MINDY3: variants seen among roughly 807,000 people sequenced by gnomAD.
MINDY3 encodes the protein MINDY lysine 48 deubiquitinase 3.
A neutral mutation model predicts 69.2 loss-of-function variants in MINDY3; 38 were observed. The observed-to-expected ratio is 0.55, with a 90% CI of 0.42 to 0.72. MINDY3 has a LOEUF of 0.72. Among genes scored for constraint, MINDY3 ranks in the 30% least tolerant of loss-of-function variants. MINDY3 has a pLI of 0.00. For missense variants in MINDY3, 522 were observed against 519.0 expected, an observed-to-expected ratio of 1.01 and a Z score of -0.06; for synonymous variants, 192 against 180.1, an observed-to-expected ratio of 1.07 and a Z score of -0.53.
At chr10:15,779,446 C>T (rs1836346430) in intron 14 of MINDY3, among the ~76,000 whole-genome samples, 2 of 152,000 alleles carry the variant, frequency 1.3e-5, no homozygotes, top group African/African-American at 2.4e-5. Context: ...GGATCTATAC[C>T]ATCGGAAAGA....
intron 1 of MINDY3, among the ~76,000 whole-genome samples, chr10:15,851,989 A>G (rs1834333079): frequency 6.6e-6 from 1 of 152,096 alleles, no homozygotes; most frequent in Non-Finnish European, 1.5e-5. Flanking sequence ...TTCTCTCTAC[A>G]TAAAAATGCT....
intron 1 of MINDY3, among the ~76,000 whole-genome samples, chr10:15,848,659 AAAAG>A (rs1246294541): frequency 8.1e-5 from 10 of 123,738 alleles, no homozygotes; most frequent in South Asian, 2.6e-4. Flanking sequence ...AAAAAAAAAA[AAAAG>A]AAAGAAAAAT....
chr10:15,811,507 CTA>C (rs1184552621), intron 10 of MINDY3, among the ~76,000 whole-genome samples: 1 of 152,082 alleles, frequency 6.6e-6, no homozygotes, highest in African/African-American at 2.4e-5. Flanking sequence ...ATATTCACTT[CTA>C]ACACAACACA....
rs148435730 is a variant in MINDY3 at position 15,789,336 on chromosome 10, C to T, written c.956-17G>A. 8 of 1,590,896 alleles carry T rather than the reference C, an allele frequency of 5.0e-6. No homozygotes were observed. The African/African-American group carries it at 1.1e-4, about 21-fold the overall frequency. ...ATCCATTATCTAGGGGGGAAAAAAT[C>T]AGAAACAACTTGAAATAAGAATTTA... is the stretch of plus-strand genomic sequence containing the variant. On this transcript the variant is annotated splice_polypyrimidine_tract_variant and intron_variant, in intron 11 of 14. Coordinates refer to ENST00000277632, the MANE Select transcript of MINDY3 (RefSeq NM_024948.4).
At chr10:15,808,498 C>T (rs1458279879) in intron 10 of MINDY3, among the ~76,000 whole-genome samples, 7 of 152,080 alleles carry the variant, frequency 4.6e-5, no homozygotes, top group African/African-American at 9.7e-5. Context: ...AACAGTTCAC[C>T]GCAGTGTTTT....
At chr10:15,837,413 T>C (rs1483131215) in intron 5 of MINDY3, 95 bp from the exon 6 acceptor site, 4 of 1,227,876 alleles carry the variant, frequency 3.3e-6, no homozygotes, top group Admixed American at 4.6e-5. Flanking sequence ...CATTAAAACA[T>C]ATACATACAA....
chr10:15,780,272 A>G (rs144209273), intron 14 of MINDY3, among the ~76,000 whole-genome samples: 118 of 152,318 alleles, frequency 7.7e-4, no homozygotes, highest in African/African-American at 2.7e-3. Context: ...CATTCCTAAG[A>G]AAGTGCTAAA....
chr10:15,849,422 T>C (rs1834110401), intron 1 of MINDY3, among the ~76,000 whole-genome samples: 1 of 150,282 alleles, frequency 6.7e-6, no homozygotes, highest in Non-Finnish European at 1.5e-5. Flanking sequence ...GATCTTTCAG[T>C]AAAACAGTAA....
intron 11 of MINDY3, 60 bp from the exon 12 acceptor site, chr10:15,789,379 A>G: frequency 7.8e-7 from 1 of 1,287,688 alleles, no homozygotes; most frequent in Non-Finnish European, 1.1e-6. Context: ...AAATGCTATT[A>G]ATGCTGATCA....
chr10:15,811,064 G>A (rs1159119338), intron 10 of MINDY3, among the ~76,000 whole-genome samples: 1 of 151,802 alleles, frequency 6.6e-6, no homozygotes, highest in Non-Finnish European at 1.5e-5. Context: ...GAAAAATTCA[G>A]TTTTCAAACT....
At chr10:15,811,234 G>C (rs769602198) in intron 10 of MINDY3, among the ~76,000 whole-genome samples, 1 of 152,066 alleles carries the variant, frequency 6.6e-6, no homozygotes, top group Non-Finnish European at 1.5e-5. Flanking sequence ...AACCGAAGTT[G>C]AAATGTCAAA....
At chr10:15,836,392 G>A (rs1259996480) in intron 6 of MINDY3, among the ~76,000 whole-genome samples, 1 of 151,842 alleles carries the variant, frequency 6.6e-6, no homozygotes, top group Non-Finnish European at 1.5e-5. Context: ...CTGCCATAAT[G>A]GAATTATTAA....
intron 8 of MINDY3, among the ~76,000 whole-genome samples, chr10:15,826,942 G>A (rs1446321577): frequency 6.6e-6 from 1 of 151,688 alleles, no homozygotes; most frequent in Non-Finnish European, 1.5e-5. Context: ...AGCATTTTTG[G>A]AAAATACTAG....
intron 11 of MINDY3, among the ~76,000 whole-genome samples, chr10:15,794,343 G>A (rs1177588772): frequency 6.6e-6 from 1 of 151,858 alleles, no homozygotes; most frequent in African/African-American, 2.4e-5. Context: ...GTTTGTAAGT[G>A]AAAAGAAAAA....
intron 8 of MINDY3, among the ~76,000 whole-genome samples, chr10:15,829,217 A>G (rs1286334244): frequency 1.3e-5 from 2 of 152,092 alleles, no homozygotes; most frequent in Non-Finnish European, 2.9e-5. Flanking sequence ...ATTAAATGGG[A>G]GTTAACATTT....
intron 9 of MINDY3, among the ~76,000 whole-genome samples, chr10:15,819,971 T>C (rs753671220): frequency 6.6e-5 from 10 of 152,174 alleles, no homozygotes; most frequent in Non-Finnish European, 1.2e-4. Context: ...GTCCATTCAT[T>C]CATTCAACAA....
chr10:15,852,256 T>C (rs573217585), intron 1 of MINDY3, among the ~76,000 whole-genome samples: 8 of 152,288 alleles, frequency 5.3e-5, no homozygotes, highest in African/African-American at 1.9e-4. Flanking sequence ...TGGCTATTGC[T>C]CAATTAATGC....
intron 12 of MINDY3, chr10:15,788,922 TTTACTGAAGATACTAA>T: frequency 5.3e-6 from 1 of 190,254 alleles, no homozygotes; most frequent in Non-Finnish European, 1.1e-5. Flanking sequence ...CCGTCATTAC[TTTACTGAAGATACTAA>T]TGTCACATAA....
At chr10:15,784,798 T>C (rs1836825439) in intron 13 of MINDY3, among the ~76,000 whole-genome samples, 1 of 152,146 alleles carries the variant, frequency 6.6e-6, no homozygotes. Flanking sequence ...AGGCAGTATG[T>C]GACTAATTGC....
Sources: allele counts gnomAD v4.1 joint callset (sites outside exome capture counted in the v4.1 genomes callset), GRCh38; gene constraint gnomAD v4.1.1; transcripts MANE v1.5; gene names NCBI Gene and HGNC (gene_info 2026-07-23, HGNC 2026-07-21).